The following THBS3 variants were observed in gnomAD, a reference collection of about 807,000 sequenced individuals.
THBS3 encodes thrombospondin 3.
THBS3 carries 78 observed loss-of-function variants against 118.3 expected under a neutral mutation model. The observed-to-expected ratio is 0.66, with a 90% CI of 0.55 to 0.80. THBS3 has a LOEUF of 0.80. Ranked by LOEUF, THBS3 falls within the 30% of genes least tolerant of loss-of-function variation. The probability of loss-of-function intolerance (pLI) is 0.00; values close to 1 mark genes in which losing one functional copy is unlikely to be tolerated. For synonymous variants in THBS3, 427 were observed against 475.3 expected, an observed-to-expected ratio of 0.90 and a Z score of 1.32; for missense variants, 1,057 against 1,247.4, an observed-to-expected ratio of 0.85 and a Z score of 2.30.
At position 155,200,046 on chromosome 1, in the gene THBS3, G is replaced by T. The variant is rs146879343; in HGVS notation, c.1776C>A (p.Asp592Glu). 4 of 1,603,486 alleles carry T rather than the reference G, an allele frequency of 2.5e-6. No homozygotes were observed. Among genetic ancestry groups the T allele is most frequent in the Non-Finnish European group, 3.4e-6 (4 of 1,174,272 alleles). The change falls in exon 15 of 23, where the codon GAC (aspartate) becomes GAA (glutamate). Residue 592 changes from aspartate to glutamate, a missense_variant. Transcript: ENST00000368378. ...PNPLQTDRDE[D>E]GVGDACDSCP... ...AGCTGTCGCAAGCATCTCCCACCCCGTCCTCATCCCTGTCTGTCTGTAGTG... is the reference window on the plus strand; with the variant it reads ...AGCTGTCGCAAGCATCTCCCACCCCTTCCTCATCCCTGTCTGTCTGTAGTG...
chr1:155,208,027 C>T (rs1383740184), upstream of THBS3: 1 of 639,366 alleles, frequency 1.6e-6, no homozygotes, highest in African/African-American at 1.8e-5. Flanking sequence ...AGCTGCCAAT[C>T]ACCCTGGAGG....
At chr1:155,199,206 C>T (rs528150856) in intron 16 of THBS3, among the ~76,000 whole-genome samples, 11 of 150,104 alleles carry the variant, frequency 7.3e-5, no homozygotes, top group Admixed American at 6.6e-5. Context: ...ATCAGGAGAT[C>T]GAGACCATCC....
chr1:155,197,735 A>C lies in THBS3; in HGVS notation c.2303-76T>G, dbSNP rs932454244. On this transcript the variant is annotated intron_variant, in intron 19 of 22. Coordinates refer to ENST00000368378, the MANE Select transcript of THBS3 (RefSeq NM_007112.5). This position sits in a 1 kb window ranked among gnomAD's most constrained non-coding sequence, Gnocchi z 5.0. The stretch of plus-strand genomic sequence containing the variant: ...CATCATGGGGTAAAGTTGGGAAGGG[A>C]TGCCTGCTATGTATGTGGCCAGCTT... The C allele has an allele frequency of 3.1e-5, 50 of 1,592,556 alleles. No homozygotes were observed. Among genetic ancestry groups the C allele is most frequent in the Non-Finnish European group, 4.1e-5 (48 of 1,163,318 alleles).
At chr1:155,201,839 T>C in intron 10 of THBS3, 118 bp downstream of exon 10, 1 of 1,440,726 alleles carries the variant, frequency 6.9e-7, no homozygotes, top group East Asian at 2.3e-5. Flanking sequence ...GAACACCTAA[T>C]CTGTGTAGTG....
rs1668577964 is a variant in THBS3 at position 155,195,908 on chromosome 1, G to A, written c.2813-9C>T. On this transcript the variant is annotated splice_polypyrimidine_tract_variant and intron_variant, in intron 22 of 22. Coordinates refer to ENST00000368378, the MANE Select transcript of THBS3 (RefSeq NM_007112.5). Reference sequence around the variant, plus strand: ...GTCCTCAGGCACTGTGTCTGAAGAAGGGGAAATAAGTAAGGTCAGAGGATG... The same window carrying A: ...GTCCTCAGGCACTGTGTCTGAAGAAAGGGAAATAAGTAAGGTCAGAGGATG... 1.2e-6 allele frequency: 2 copies of A among 1,614,184 alleles called. No individual in the cohort carries two copies. The highest frequency in any genetic ancestry group is 1.3e-5 in the African/African-American group (1 of 75,056).
rs761786662 is a variant in THBS3 at position 155,206,362 on chromosome 1, C to T, written c.124G>A (p.Val42Met). Reference protein sequence around the residue: ...TVGESRQMVAVAEKIRTALLT... With the variant: ...TVGESRQMVAMAEKIRTALLT... ...AAGGCTGTCCGGATCTTCTCTGCCA[C>T]AGCTACCATCTGCCGAGACTCGCCC... The change falls in exon 2 of 23, where the codon GTG (valine) becomes ATG (methionine). Residue 42 changes from valine to methionine, a missense_variant. By Grantham distance (21) the Val-to-Met change is conservative. Transcript: ENST00000368378. The surrounding 1 kb of genome is among the most constrained non-coding windows in gnomAD (Gnocchi z 4.2). 6.2e-7 allele frequency: 1 copy of T among 1,614,176 alleles called. No individual in the cohort carries two copies. Among genetic ancestry groups the T allele is most frequent in the Non-Finnish European group, 8.5e-7 (1 of 1,180,026 alleles).
chr1:155,201,857 G>T lies in THBS3; in HGVS notation c.1176+100C>A, dbSNP rs190680441. On this transcript the variant is annotated intron_variant, in intron 10 of 22. Coordinates refer to ENST00000368378, the MANE Select transcript of THBS3 (RefSeq NM_007112.5). ...CACCTAATCTGTGTAGTGCCCTGGG[G>T]AGGAGGAAAGGCAGCAGGAAATTTG... The T allele has an allele frequency of 1.6e-4, 242 of 1,537,938 alleles. No homozygotes were observed. In the East Asian group the frequency reaches 5.3e-3, roughly 34 times the overall value.
intron 14 of THBS3, 61 bp downstream of exon 14, chr1:155,200,389 AT>A: frequency 6.3e-7 from 1 of 1,583,684 alleles, no homozygotes. Context: ...TCCCTGCTTC[AT>A]CCCCACCTGA....
At chr1:155,201,278 G>C (rs1210325800) in intron 11 of THBS3, 74 bp from the exon 12 acceptor site, 2 of 1,597,710 alleles carry the variant, frequency 1.3e-6, no homozygotes, top group Admixed American at 3.4e-5. Flanking sequence ...CCTGCTTCAG[G>C]TCCTATTCTC....
chr1:155,209,067 C>T, upstream of THBS3: 2 of 1,538,954 alleles, frequency 1.3e-6, no homozygotes, highest in Non-Finnish European at 1.8e-6. Flanking sequence ...CCGCCCTCCC[C>T]CGAGGCCCGC....
At chr1:155,198,771 T>A in intron 16 of THBS3, 169 bp from the exon 17 acceptor site, 1 of 616,004 alleles carries the variant, frequency 1.6e-6, no homozygotes, top group Non-Finnish European at 2.8e-6. Flanking sequence ...ACTGTAAGAA[T>A]AAATTCCTGC....
Position 155,197,523 on chromosome 1 carries a change from C to G in THBS3, c.2439G>C (p.Glu813Asp). ...RFYVVMWKQT[E>D]QTYWQATPFR... ...AGGGTGTAGCCTGCCAGTAGGTCTGCTCGGTCTGCTTCCACATGACTACGT... is the reference window on the plus strand; with the variant it reads ...AGGGTGTAGCCTGCCAGTAGGTCTGGTCGGTCTGCTTCCACATGACTACGT... Residue 813 changes from glutamate (E) to aspartate (D), a missense_variant, in exon 20 of 23, where the codon GAG (glutamate) becomes GAC (aspartate). By Grantham distance (45) the Glu-to-Asp change is conservative. Coordinates refer to ENST00000368378, the MANE Select transcript of THBS3 (RefSeq NM_007112.5). The surrounding 1 kb of genome is among the most constrained non-coding windows in gnomAD (Gnocchi z 5.0). 3 of 1,614,156 alleles carry G rather than the reference C, an allele frequency of 1.9e-6. No homozygotes were observed. The highest frequency in any genetic ancestry group is 2.5e-6 in the Non-Finnish European group (3 of 1,180,026).
In THBS3 at chr1:155,198,534, G is replaced by A; in HGVS notation, c.1949C>T (p.Ser650Phe). The part of the protein sequence containing the change: ...PQLPNSSQLD[S>F]DNDGLGDECD... Reference sequence around the variant, plus strand: ...CTCATCTCCAAGTCCATCGTTATCAGAGTCCAGCTGGGAGCTATTTGGCAG... The same window carrying A: ...CTCATCTCCAAGTCCATCGTTATCAAAGTCCAGCTGGGAGCTATTTGGCAG... Residue 650 changes from serine (S) to phenylalanine (F), a missense_variant, in exon 17 of 23, where the codon TCT becomes TTT. By Grantham distance (155) the Ser-to-Phe change is radical. This residue lies in a region of THBS3 where 544 missense variants were observed against 715.6 expected (regional missense o/e 0.76). Coordinates refer to ENST00000368378, the MANE Select transcript of THBS3 (RefSeq NM_007112.5). The A allele has an allele frequency of 6.2e-7, 1 of 1,614,220 alleles. No individual in the cohort carries two copies. Among genetic ancestry groups the A allele is most frequent in the Non-Finnish European group, 8.5e-7 (1 of 1,180,040 alleles).
At chr1:155,199,709 C>T (rs1294032226) in intron 16 of THBS3, 95 bp downstream of exon 16, 37 of 1,353,610 alleles carry the variant, frequency 2.7e-5, no homozygotes, top group Non-Finnish European at 3.3e-5. Context: ...GAGCCAAGAT[C>T]GTGCCACTGT....
At chr1:155,208,568 G>A (rs1424620490), upstream of THBS3, 1 of 480,406 alleles carries the variant, frequency 2.1e-6, no homozygotes, top group Non-Finnish European at 3.7e-6. Flanking sequence ...GTACAGGCGA[G>A]GAGCCAAGGA....
chr1:155,208,716 C>A, upstream of THBS3: 2 of 1,308,944 alleles, frequency 1.5e-6, no homozygotes, highest in South Asian at 1.6e-5. Context: ...AGCCCGGCCT[C>A]CGCTCCGGCC....
Position 155,197,389 on chromosome 1 carries a change from G to C in THBS3, c.2499+74C>G, listed in dbSNP as rs769681182. ...GTAAGAGGGTTCCCAGTCAAGCAGT[G>C]GGGGAGGCCCTGGGGCTGCAGAGGA... is the stretch of plus-strand genomic sequence containing the variant. On this transcript the variant is annotated intron_variant, in intron 20 of 22. Coordinates refer to ENST00000368378, the MANE Select transcript of THBS3 (RefSeq NM_007112.5). The surrounding 1 kb of genome is among the most constrained non-coding windows in gnomAD (Gnocchi z 5.0). 21 of 1,560,366 alleles carry C rather than the reference G, an allele frequency of 1.3e-5. No homozygotes were observed. Among genetic ancestry groups the C allele is most frequent in the East Asian group, 6.8e-5 (3 of 44,378 alleles).
rs1557849161 is a variant in THBS3, at chr1:155,195,622, G to A, written c.*219C>T. Reference sequence around the variant, plus strand: ...AACCAAAACTTTATGGCAATGTGCTGTCATCTTTCCTGGGGTTAGTGCCTG... The same window carrying A: ...AACCAAAACTTTATGGCAATGTGCTATCATCTTTCCTGGGGTTAGTGCCTG... On this transcript the variant is annotated 3_prime_UTR_variant, in exon 23 of 23. Transcript: ENST00000368378. 5.5e-6 allele frequency: 3 copies of A among 545,176 alleles called. No individual in the cohort carries two copies. In the East Asian group the frequency reaches 9.2e-5, roughly 17 times the overall value. 33.8% of individuals were successfully genotyped at this position (545,176 alleles called of 1,614,324 possible). A position where few individuals can be genotyped will look rare whatever the true frequency, so the allele number is the denominator to read the frequency against.
rs1247165153 is a variant in THBS3 at position 155,204,836 on chromosome 1, A to C, written c.646+19T>G. ...ACAGGATCCGTGGTCCAATGTCAGCAAACAAGTCTCTGTGTTACCTGCACT... is the reference window on the plus strand; with the variant it reads ...ACAGGATCCGTGGTCCAATGTCAGCCAACAAGTCTCTGTGTTACCTGCACT... On this transcript the variant is annotated intron_variant, in intron 4 of 22. Coordinates refer to ENST00000368378, the MANE Select transcript of THBS3 (RefSeq NM_007112.5). The C allele has an allele frequency of 8.1e-6, 13 of 1,611,290 alleles. No individual in the cohort carries two copies. The highest frequency in any genetic ancestry group is 1.1e-5 in the Non-Finnish European group (13 of 1,177,712).
Sources: allele counts gnomAD v4.1 joint callset (sites outside exome capture counted in the v4.1 genomes callset), GRCh38; gene constraint gnomAD v4.1.1; regional missense constraint gnomAD v4.1.1; non-coding constraint Gnocchi (gnomAD v3.1); transcripts MANE v1.5; gene names NCBI Gene and HGNC (gene_info 2026-07-23, HGNC 2026-07-21).